Variants in SLC9A7 observed in about 807,000 individuals in gnomAD.
SLC9A7 encodes the protein solute carrier family 9 member A7, also known as sodium/hydrogen exchanger 7.
In SLC9A7, 19 loss-of-function variants were observed where a neutral mutation model predicts 52.6. The observed-to-expected ratio is 0.36, with a 90% CI of 0.25 to 0.53. The LOEUF (loss-of-function observed/expected upper bound fraction) is 0.53, where lower values mean the gene tolerates loss of function less well. SLC9A7 is among the 20% of genes least tolerant of loss of function. SLC9A7 has a pLI of 0.91. For synonymous variants in SLC9A7, 226 were observed against 252.1 expected, an observed-to-expected ratio of 0.90 and a Z score of 0.98; for missense variants, 455 against 597.9, an observed-to-expected ratio of 0.76 and a Z score of 2.49.
intron 11 of SLC9A7, among the ~76,000 whole-genome samples, chrX:46,645,145 T>C (rs1224489033): frequency 8.9e-6 from 1 of 112,668 alleles, no homozygotes; most frequent in Non-Finnish European, 1.9e-5. Context: ...AAATATTTTT[T>C]ATTGGAGATA....
At position 46,604,961 on chromosome X, in the gene SLC9A7, G is replaced by A. The variant is rs1198160124; in HGVS notation, c.*1991C>T. The A allele has an allele frequency of 9.0e-6, 1 of 111,289 alleles. No individual in the cohort carries two copies. Among genetic ancestry groups the A allele is most frequent in the Non-Finnish European group, 1.9e-5 (1 of 53,081 alleles). The allele number at this position is 111,289 out of a possible 1,213,427, so 9.2% of individuals were successfully genotyped here. ...GATTTCACTACGGGTGGACTAGACT[G>A]GGACACAATATTTTGTCTTCCATCA... On this transcript the variant is annotated 3_prime_UTR_variant, in exon 17 of 17. Coordinates refer to ENST00000616978, the MANE Select transcript of SLC9A7 (RefSeq NM_001257291.2).
intron 1 of SLC9A7, among the ~76,000 whole-genome samples, chrX:46,730,670 TTATATATATATA>T (rs57157177): frequency 0.016 from 675 of 42,908 alleles, 28 homozygotes; most frequent in Admixed American, 0.033. Context: ...AAAAAAAAAA[TTATATATATATA>T]TATATATATA....
At chrX:46,752,884 C>T (rs1394974676) in intron 1 of SLC9A7, among the ~76,000 whole-genome samples, 3 of 111,746 alleles carry the variant, frequency 2.7e-5, no homozygotes, top group African/African-American at 9.7e-5. Context: ...CATTGAAAAC[C>T]CTTGTCTAAA....
In SLC9A7 at chrX:46,725,167, T is replaced by C. The variant is rs56171136; in HGVS notation, c.325+33538A>G. On this transcript the variant is annotated intron_variant, in intron 1 of 16. Transcript: ENST00000616978. ...ACTTGAATGATGCCAATCTATGAAG[T>C]AGGGATCTGTGGCAATCCAAATTCA... 1,715 of 767,518 alleles carry C rather than the reference T, an allele frequency of 2.2e-3. 6 individuals carry two copies. The highest frequency in any genetic ancestry group is 3.4e-3 in the Non-Finnish European group (1,658 of 492,658). 63.3% of individuals were successfully genotyped at this position (767,518 alleles called of 1,213,427 possible). A position where few individuals can be genotyped will look rare whatever the true frequency, so the allele number is the denominator to read the frequency against.
At chrX:46,681,597 A>G (rs1055692656) in intron 2 of SLC9A7, among the ~76,000 whole-genome samples, 1 of 112,218 alleles carries the variant, frequency 8.9e-6, no homozygotes, top group African/African-American at 3.2e-5. Context: ...GCTGTATTAA[A>G]ATGGGCTCCC....
intron 6 of SLC9A7, 107 bp downstream of exon 6, chrX:46,662,431 A>C: frequency 1.7e-6 from 1 of 601,428 alleles, no homozygotes; most frequent in Non-Finnish European, 2.6e-6. Context: ...TCATTTAGAA[A>C]AACACCCAAT....
chrX:46,610,678 A>G (rs1942833608), intron 16 of SLC9A7, among the ~76,000 whole-genome samples: 1 of 111,995 alleles, frequency 8.9e-6, no homozygotes, highest in Non-Finnish European at 1.9e-5. Context: ...CAAGTCACTC[A>G]GTCTTAGGTT....
intron 1 of SLC9A7, among the ~76,000 whole-genome samples, chrX:46,743,931 T>C (rs1450387320): frequency 8.9e-6 from 1 of 112,147 alleles, no homozygotes; most frequent in African/African-American, 3.2e-5. Flanking sequence ...ACTCAGTGCC[T>C]GATGTAAAAG....
intron 1 of SLC9A7, among the ~76,000 whole-genome samples, chrX:46,702,308 A>C (rs1056324591): frequency 2.7e-5 from 3 of 111,492 alleles, no homozygotes; most frequent in African/African-American, 9.9e-5. Flanking sequence ...CTTTTATTTT[A>C]AATACAGGGG....
In SLC9A7 at chrX:46,699,393, C is replaced by T. The variant is rs541250023; in HGVS notation, c.326-16858G>A. On this transcript the variant is annotated intron_variant, in intron 1 of 16. Transcript: ENST00000616978. ...CTGATAGTCTTTGCAAAAGAACATG[C>T]CCATTCTAATGTTGAATGGAAGAGG... Among the ~76,000 whole-genome samples the T allele has an allele frequency of 9.9e-5, 11 of 111,477 alleles. No homozygotes were observed. The East Asian group carries it at 2.5e-3, about 26-fold the overall frequency.
intron 11 of SLC9A7, among the ~76,000 whole-genome samples, chrX:46,646,257 C>T (rs779637999): frequency 9.0e-6 from 1 of 110,793 alleles, no homozygotes; most frequent in African/African-American, 3.3e-5. Context: ...AGCATGGTTC[C>T]TCCCTATCTC....
intron 1 of SLC9A7, among the ~76,000 whole-genome samples, chrX:46,728,882 G>A (rs1051828412): frequency 3.6e-5 from 4 of 112,308 alleles, no homozygotes; most frequent in African/African-American, 1.3e-4. Context: ...AGTGAAAGAA[G>A]CTAGAAAACA....
rs762054068 is a variant in SLC9A7 at position 46,600,521 on chromosome X, G to A, written c.*6431C>T. The stretch of plus-strand genomic sequence containing the variant: ...TCCAAGGCTCAGGTAGCAGAAAACC[G>A]GCTGCCTGTGTGTTCCATATGGGCC... On this transcript the variant is annotated 3_prime_UTR_variant, in exon 17 of 17. Transcript: ENST00000616978. 2.7e-5 allele frequency: 3 copies of A among 111,907 alleles called. No individual in the cohort carries two copies. Among genetic ancestry groups the A allele is most frequent in the East Asian group, 5.6e-4 (2 of 3,564 alleles). The allele number at this position is 111,907 out of a possible 1,213,427, so 9.2% of individuals were successfully genotyped here. A position where few individuals can be genotyped will look rare whatever the true frequency, so the allele number is the denominator to read the frequency against.
intron 4 of SLC9A7, among the ~76,000 whole-genome samples, chrX:46,671,954 A>T (rs1482919562): frequency 8.9e-6 from 1 of 112,070 alleles, no homozygotes; most frequent in Non-Finnish European, 1.9e-5. Flanking sequence ...GGATGTATCT[A>T]CATAAAGTAT....
intron 13 of SLC9A7, among the ~76,000 whole-genome samples, chrX:46,632,466 T>C (rs1050291666): frequency 9.0e-6 from 1 of 111,493 alleles, no homozygotes; most frequent in Non-Finnish European, 1.9e-5. Context: ...TTGTCTAAGT[T>C]GGTTTGGCCA....
chrX:46,680,891 A>T (rs1944201724), intron 2 of SLC9A7, among the ~76,000 whole-genome samples: 1 of 112,242 alleles, frequency 8.9e-6, no homozygotes, highest in Non-Finnish European at 1.9e-5. Flanking sequence ...GTTAAAGATA[A>T]GAGTGTTCTG....
At chrX:46,679,551 T>C (rs761675693) in intron 3 of SLC9A7, 127 bp downstream of exon 3, 2 of 485,797 alleles carry the variant, frequency 4.1e-6, no homozygotes, top group African/African-American at 5.0e-5. Flanking sequence ...AAGTCAACTA[T>C]AGTCTCTGAG....
chrX:46,693,642 T>C (rs1944410323), intron 1 of SLC9A7, among the ~76,000 whole-genome samples: 1 of 109,694 alleles, frequency 9.1e-6, no homozygotes, highest in Non-Finnish European at 1.9e-5. Flanking sequence ...AGGTTAAAAT[T>C]ATACAACCTT....
At chrX:46,671,427 A>ATT (rs567014139) in intron 4 of SLC9A7, among the ~76,000 whole-genome samples, 2 of 99,193 alleles carry the variant, frequency 2.0e-5, no homozygotes, top group South Asian at 4.6e-4. Flanking sequence ...CTCCCGGCTA[A>ATT]TTTTTTTTTT....
Sources: gnomAD v4.1 joint callset for allele counts (sites outside exome capture counted in the v4.1 genomes callset) on GRCh38, gnomAD v4.1.1 for gene constraint, MANE v1.5 for transcripts, NCBI Gene and HGNC (gene_info 2026-07-23, HGNC 2026-07-21) for gene names.